NBEA: variants seen among roughly 807,000 people sequenced by gnomAD.
NBEA encodes neurobeachin.
Under a neutral mutation model 343.4 loss-of-function variants are expected in NBEA, and 44 were observed. The observed-to-expected ratio is 0.13, with a 90% confidence interval of 0.10 to 0.16. The LOEUF (loss-of-function observed/expected upper bound fraction) is 0.16. Among genes scored for constraint, NBEA ranks in the 10% least tolerant of loss-of-function variants. NBEA has a pLI of 1.00. For synonymous variants in NBEA, 1,175 were observed against 1,238.7 expected (o/e 0.95, Z 1.08); for missense variants, 2,555 against 3,631.3 (o/e 0.70, Z 7.62).
chr13:35,457,268 A>G (rs985469944), intron 40 of NBEA, among the ~76,000 whole-genome samples: 1 of 152,120 alleles, frequency 6.6e-6, no homozygotes, highest in African/African-American at 2.4e-5. Context: ...TGGAAATAGC[A>G]TTATTGAGAT....
At chr13:35,195,581 G>A (rs917387479) in intron 30 of NBEA, among the ~76,000 whole-genome samples, 1 of 151,904 alleles carries the variant, frequency 6.6e-6, no homozygotes, top group Non-Finnish European at 1.5e-5. Context: ...GTTTTTAGTA[G>A]AGACGGGGTT....
At position 35,044,996 on chromosome 13, in the gene NBEA, C is replaced by A; in HGVS notation, c.576C>A (p.Val192=). The A allele has an allele frequency of 6.2e-7, 1 of 1,611,922 alleles. No individual in the cohort carries two copies. The highest frequency in any genetic ancestry group is 1.3e-5 in the African/African-American group (1 of 74,964). Residue 192 remains valine, a synonymous_variant, in exon 3 of 59, where the codon GTC becomes GTA. Transcript: ENST00000379939. Reference sequence around the variant, plus strand: ...TTCTTGCCAGCTACAGCATCACTGTCAAGGAGTTGAAGCTTTTGTTCAGCA... The same window carrying A: ...TTCTTGCCAGCTACAGCATCACTGTAAAGGAGTTGAAGCTTTTGTTCAGCA... ...LGVLASYSIT[V]KELKLLFSML...
chr13:35,091,598 AGT>A (rs901744010), intron 10 of NBEA, among the ~76,000 whole-genome samples: 1 of 152,022 alleles, frequency 6.6e-6, no homozygotes, highest in African/African-American at 2.4e-5. Context: ...TTAGCATACT[AGT>A]GTCACAAGAT....
intron 36 of NBEA, among the ~76,000 whole-genome samples, chr13:35,340,057 A>G (rs1038910136): frequency 6.6e-6 from 1 of 152,120 alleles, no homozygotes; most frequent in African/African-American, 2.4e-5. Flanking sequence ...TCACTATGGA[A>G]AACAGTATTG....
intron 39 of NBEA, among the ~76,000 whole-genome samples, chr13:35,446,743 T>TA (rs1298216468): frequency 2.0e-5 from 3 of 152,084 alleles, no homozygotes; most frequent in African/African-American, 4.8e-5. Flanking sequence ...ATGGTACAAA[T>TA]AAAATAACAT....
At chr13:35,006,432 A>G (rs976055840) in intron 1 of NBEA, among the ~76,000 whole-genome samples, 2 of 151,616 alleles carry the variant, frequency 1.3e-5, no homozygotes, top group African/African-American at 2.4e-5. Flanking sequence ...ATTCAGTGCT[A>G]TTGTTTTTGA....
At chr13:35,336,194 C>T (rs1404021016) in intron 36 of NBEA, among the ~76,000 whole-genome samples, 1 of 151,882 alleles carries the variant, frequency 6.6e-6, no homozygotes, top group Non-Finnish European at 1.5e-5. Context: ...AATGAAAACA[C>T]CAACAAATCC....
At chr13:35,372,747 G>A (rs2041514702) in intron 38 of NBEA, among the ~76,000 whole-genome samples, 1 of 152,080 alleles carries the variant, frequency 6.6e-6, no homozygotes, top group Non-Finnish European at 1.5e-5. Context: ...GGGGCAGTGG[G>A]GATGCTACCA....
At chr13:35,476,126 G>T (rs1034473196) in intron 41 of NBEA, 13 of 1,613,964 alleles carry the variant, frequency 8.1e-6, no homozygotes, top group Non-Finnish European at 1.0e-5. Flanking sequence ...AGCTTGGCCT[G>T]GGCCGCAATC....
At position 34,967,242 on chromosome 13, in the gene NBEA, C is replaced by A. The variant is rs79815635; in HGVS notation, c.294+24128C>A. Among the ~76,000 whole-genome samples, 1,138 of 151,790 alleles carry A rather than the reference C, an allele frequency of 7.5e-3. 12 individuals carry two copies. Among genetic ancestry groups the A allele is most frequent in the African/African-American group, 0.026 (1,078 of 41,462 alleles). On this transcript the variant is annotated intron_variant, in intron 1 of 58. Transcript: ENST00000379939. ...GGGCAACTGAATTAAATCTTCTAGG[C>A]CTTATTTTCCTGACGGAAAATGAAG... is the stretch of plus-strand genomic sequence containing the variant.
At chr13:35,503,040 A>G (rs1413977171) in intron 41 of NBEA, among the ~76,000 whole-genome samples, 1 of 152,052 alleles carries the variant, frequency 6.6e-6, no homozygotes, top group Non-Finnish European at 1.5e-5. Flanking sequence ...GTAAATGTTT[A>G]CTAGTTTCCA....
Position 35,452,162 on chromosome 13 carries a change from G to C in NBEA, c.6375G>C (p.Glu2125Asp). The stretch of plus-strand genomic sequence containing the variant: ...AAGCAATAGTGAACCAAAATGCAGA[G>C]ACAGAACTTATGCTGGAAGGAGACG... The part of the protein sequence containing the change: ...RSQAIVNQNA[E>D]TELMLEGDDD... Residue 2125 changes from glutamate (E) to aspartate (D), a missense_variant, in exon 40 of 59, where the codon GAG becomes GAC. This residue lies in a region of NBEA where 246 missense variants were observed against 313.7 expected (regional missense o/e 0.78). Transcript: ENST00000379939. 1 of 1,610,224 alleles carries C rather than the reference G, an allele frequency of 6.2e-7. No homozygotes were observed. Among genetic ancestry groups the C allele is most frequent in the South Asian group, 1.1e-5 (1 of 90,344 alleles).
At chr13:35,197,579 G>A (rs894687971) in intron 31 of NBEA, among the ~76,000 whole-genome samples, 7 of 151,858 alleles carry the variant, frequency 4.6e-5, no homozygotes, top group East Asian at 1.9e-4. Flanking sequence ...GTGCAGTGGT[G>A]CGATCTTGGC....
At chr13:35,247,880 G>GA (rs969811770) in intron 34 of NBEA, among the ~76,000 whole-genome samples, 8 of 149,462 alleles carry the variant, frequency 5.4e-5, no homozygotes, top group East Asian at 3.9e-4. Context: ...TTGATTTAGG[G>GA]AAAAAAAAAG....
intron 41 of NBEA, among the ~76,000 whole-genome samples, chr13:35,539,793 G>C (rs1227681081): frequency 6.6e-6 from 1 of 151,222 alleles, no homozygotes; most frequent in Non-Finnish European, 1.5e-5. Context: ...GCGGGCGCCT[G>C]TAGTCCCAGC....
At chr13:35,352,443 T>C in intron 38 of NBEA, 120 bp downstream of exon 38, 1 of 589,496 alleles carries the variant, frequency 1.7e-6, no homozygotes, top group Non-Finnish European at 2.5e-6. Flanking sequence ...TATAAAAAAT[T>C]ACTTGAAAAT....
At chr13:35,054,404 G>T (rs1266496258) in intron 6 of NBEA, among the ~76,000 whole-genome samples, 1 of 151,706 alleles carries the variant, frequency 6.6e-6, no homozygotes, top group Non-Finnish European at 1.5e-5. Context: ...ATACTTTAAA[G>T]ATTTTCTCTT....
intron 29 of NBEA, among the ~76,000 whole-genome samples, chr13:35,183,609 A>G (rs1446758260): frequency 6.6e-6 from 1 of 152,082 alleles, no homozygotes; most frequent in Non-Finnish European, 1.5e-5. Flanking sequence ...CAAATTAAAC[A>G]TCATCCTACC....
intron 20 of NBEA, among the ~76,000 whole-genome samples, 200 bp from the exon 21 acceptor site, chr13:35,156,878 A>G (rs2069209098): frequency 6.6e-6 from 1 of 152,164 alleles, no homozygotes; most frequent in South Asian, 2.1e-4. Flanking sequence ...ATGATTTTGA[A>G]TGATAATTAG....
Sources: gnomAD v4.1 joint callset for allele counts (sites outside exome capture counted in the v4.1 genomes callset) on GRCh38, gnomAD v4.1.1 for gene constraint, gnomAD v4.1.1 regional missense constraint, MANE v1.5 for transcripts, NCBI Gene and HGNC (gene_info 2026-07-23, HGNC 2026-07-21) for gene names.